The following HMCN2 variants were observed in gnomAD, a reference collection of about 807,000 sequenced individuals.
HMCN2 encodes the protein hemicentin 2.
HMCN2 carries 325 observed loss-of-function variants against 377.5 expected under a neutral mutation model. The ratio of observed to expected loss-of-function variants is 0.86; its 90% CI spans 0.79 to 0.94. The LOEUF is 0.94. Ranked by LOEUF, HMCN2 falls within the 40% of genes least tolerant of loss-of-function variation. The probability of loss-of-function intolerance (pLI) is 0.00; values close to 1 mark genes in which losing one functional copy is unlikely to be tolerated. For missense variants in HMCN2, 4,543 were observed against 4,725.3 expected (o/e 0.96, Z 1.13); for synonymous variants, 2,007 against 2,046.8 (o/e 0.98, Z 0.53).
rs1050340797 is a variant in HMCN2, at chr9:130,351,683, G to A, written c.4585+106G>A. On this transcript the variant is annotated intron_variant, in intron 30 of 97. Transcript: ENST00000683500. This position sits in a 1 kb window ranked among gnomAD's most constrained non-coding sequence, Gnocchi z 5.4. ...GAGTGAGGGCTGAAATGGGGGACCT[G>A]GTGAGTGATCCCTGAGTCCAAGAAA... 5.9e-6 allele frequency: 6 copies of A among 1,011,622 alleles called. No homozygotes were observed. The highest frequency in any genetic ancestry group is 6.4e-5 in the East Asian group (1 of 15,748). The allele number at this position is 1,011,622 out of a possible 1,614,324, so 62.7% of individuals were successfully genotyped here.
In HMCN2 at chr9:130,394,131, C is replaced by T. The variant is rs920509408; in HGVS notation, c.10501+123C>T. The T allele has an allele frequency of 1.9e-5, 18 of 957,040 alleles. No homozygotes were observed. Among genetic ancestry groups the T allele is most frequent in the Non-Finnish European group, 2.5e-5 (18 of 731,906 alleles). 59.3% of individuals were successfully genotyped at this position (957,040 alleles called of 1,614,324 possible). A position where few individuals can be genotyped will look rare whatever the true frequency, so the allele number is the denominator to read the frequency against. On this transcript the variant is annotated intron_variant, in intron 68 of 97. Transcript: ENST00000683500. The surrounding 1 kb of genome is among the most constrained non-coding windows in gnomAD (Gnocchi z 5.1). ...GAGACCTGGGACTGCCACCTGGGAG[C>T]AGAACTCAGGGAACTTGGTTCTGGC...
At chr9:130,305,130 T>C (rs1836783497) in intron 11 of HMCN2, 128 bp downstream of exon 11, 1 of 370,768 alleles carries the variant, frequency 2.7e-6, no homozygotes, top group Non-Finnish European at 5.5e-6. Context: ...TTTTCAGTGT[T>C]TTTTGAACTT....
chr9:130,309,444 G>A (rs572091964), intron 14 of HMCN2, among the ~76,000 whole-genome samples: 7 of 150,488 alleles, frequency 4.7e-5, no homozygotes, highest in South Asian at 4.2e-4. Context: ...GAACCTGGGA[G>A]GTAGAGGTTG....
At position 130,336,809 on chromosome 9, in the gene HMCN2, C is replaced by T. The variant is rs1490755898; in HGVS notation, c.3360-1085C>T. Among the ~76,000 whole-genome samples, 30 of 152,248 alleles carry T rather than the reference C, an allele frequency of 2.0e-4. No individual in the cohort carries two copies. The East Asian group carries it at 2.7e-3, about 14-fold the overall frequency. The stretch of plus-strand genomic sequence containing the variant: ...TGCCCTGTTTAATGACTGCATGGCC[C>T]GCGCTTTGCTCACCATGTCTCATGT... On this transcript the variant is annotated intron_variant, in intron 22 of 97. Coordinates refer to ENST00000683500, the MANE Select transcript of HMCN2 (RefSeq NM_001291815.2).
intron 78 of HMCN2, 53 bp from the exon 79 acceptor site, chr9:130,403,141 A>T: frequency 7.9e-7 from 1 of 1,258,502 alleles, no homozygotes; most frequent in Non-Finnish European, 1.0e-6. Flanking sequence ...CGCTGGTTGG[A>T]GGAGTTGTGT....
intron 86 of HMCN2, among the ~76,000 whole-genome samples, chr9:130,421,258 A>G (rs1176325209): frequency 1.3e-5 from 2 of 152,142 alleles, no homozygotes; most frequent in African/African-American, 2.4e-5. Context: ...GCTTTGTCAA[A>G]TGAGCAACGT....
chr9:130,428,310 C>T lies in HMCN2; in HGVS notation c.14066-48C>T, dbSNP rs941920870. ...CGGGCCAGGGTCAGGTGGCGAGGCA[C>T]GCCTGGGGATCATGTTCACACAGCC... is the stretch of plus-strand genomic sequence containing the variant. On this transcript the variant is annotated intron_variant, in intron 92 of 97. Transcript: ENST00000683500. The surrounding 1 kb of genome is among the most constrained non-coding windows in gnomAD (Gnocchi z 5.0). The T allele has an allele frequency of 3.2e-5, 47 of 1,484,066 alleles. No homozygotes were observed. The highest frequency in any genetic ancestry group is 1.7e-4 in the Middle Eastern group (1 of 5,804). 91.9% of individuals were successfully genotyped at this position (1,484,066 alleles called of 1,614,324 possible).
chr9:130,368,213 G>A, intron 43 of HMCN2, 63 bp from the exon 44 acceptor site: 1 of 951,888 alleles, frequency 1.1e-6, no homozygotes, highest in Non-Finnish European at 1.3e-6. Context: ...AACTTTCCAT[G>A]TGGAAAGACA....
At chr9:130,290,080 C>T (rs1835669588) in intron 4 of HMCN2, among the ~76,000 whole-genome samples, 1 of 152,188 alleles carries the variant, frequency 6.6e-6, no homozygotes, top group African/African-American at 2.4e-5. Flanking sequence ...AGAGATGAGC[C>T]CCAGTGCATC....
rs1371947997 is a variant in HMCN2, at chr9:130,368,453, G to C, written c.6787+16G>C. 6 of 985,922 alleles carry C rather than the reference G, an allele frequency of 6.1e-6. No individual in the cohort carries two copies. Among genetic ancestry groups the C allele is most frequent in the Non-Finnish European group, 6.0e-6 (5 of 830,050 alleles). 61.1% of individuals were successfully genotyped at this position (985,922 alleles called of 1,614,324 possible). ...GAGGTGCACGGTGGGTGAGCTGGGC[G>C]GGGGCTGGAAGGGTCTGGGATCATG... On this transcript the variant is annotated intron_variant, in intron 44 of 97. Coordinates refer to ENST00000683500, the MANE Select transcript of HMCN2 (RefSeq NM_001291815.2).
At chr9:130,313,609 C>CCA (rs1310403740) in intron 15 of HMCN2, among the ~76,000 whole-genome samples, 1 of 151,546 alleles carries the variant, frequency 6.6e-6, no homozygotes, top group Non-Finnish European at 1.5e-5. Flanking sequence ...CACCCCCCCC[C>CCA]ATAAACCTGT....
chr9:130,390,081 C>T (rs762225308), intron 62 of HMCN2, among the ~76,000 whole-genome samples: 1 of 152,196 alleles, frequency 6.6e-6, no homozygotes, highest in Non-Finnish European at 1.5e-5. Context: ...TCGCCTCTCG[C>T]GGGTCAGGTG....
chr9:130,306,622 C>G (rs2131352208), intron 12 of HMCN2, among the ~76,000 whole-genome samples, 189 bp from the exon 13 acceptor site: 1 of 151,292 alleles, frequency 6.6e-6, no homozygotes, highest in African/African-American at 2.4e-5. Context: ...GCTGTGTGAC[C>G]TTGGGCAAGT....
In HMCN2 at chr9:130,404,433, G is replaced by A. The variant is rs546903039; in HGVS notation, c.12149-436G>A. On this transcript the variant is annotated intron_variant, in intron 80 of 97. Coordinates refer to ENST00000683500, the MANE Select transcript of HMCN2 (RefSeq NM_001291815.2). ...CCTCTCCCCTGGGACCTGTAGCATC[G>A]CTGGTCACCAGACCAGCCAGACACC... 1.4e-4 allele frequency among the ~76,000 whole-genome samples: 22 copies of A among 152,192 alleles called. 1 individual carries two copies. Among genetic ancestry groups the A allele is most frequent in the Admixed American group, 3.9e-4 (6 of 15,282 alleles).
intron 4 of HMCN2, among the ~76,000 whole-genome samples, chr9:130,293,484 G>T (rs1382464574): frequency 1.3e-5 from 2 of 151,870 alleles, no homozygotes; most frequent in Non-Finnish European, 2.9e-5. Flanking sequence ...GAAAGAGAAG[G>T]TCCAGACTTG....
At chr9:130,425,575 T>TCA in intron 89 of HMCN2, 112 bp from the exon 90 acceptor site, 2 of 801,572 alleles carry the variant, frequency 2.5e-6, no homozygotes, top group Non-Finnish European at 4.1e-6. Context: ...GGTAAGGGTC[T>TCA]CAGGCTGCTT....
rs184409658 is a variant in HMCN2 at position 130,422,975 on chromosome 9, G to C, written c.13381+249G>C. On this transcript the variant is annotated intron_variant, in intron 87 of 97. Transcript: ENST00000683500. This position sits in a 1 kb window ranked among gnomAD's most constrained non-coding sequence, Gnocchi z 4.2. Reference sequence around the variant, plus strand: ...GGAACTGCATTTACAGTCAGACCAAGAGTGTGTGAAACGGTCAGTGTTCTG... The same window carrying C: ...GGAACTGCATTTACAGTCAGACCAACAGTGTGTGAAACGGTCAGTGTTCTG... 1.3e-5 allele frequency among the ~76,000 whole-genome samples: 2 copies of C among 152,194 alleles called. No homozygotes were observed. The highest frequency in any genetic ancestry group is 2.9e-5 in the Non-Finnish European group (2 of 68,030).
rs1836734146 is a variant in HMCN2 at position 130,304,634 on chromosome 9, A to C, written c.1544-96A>C. 2.6e-6 allele frequency: 1 copy of C among 381,596 alleles called. No individual in the cohort carries two copies. Among genetic ancestry groups the C allele is most frequent in the South Asian group, 1.9e-5 (1 of 53,262 alleles). 23.6% of individuals were successfully genotyped at this position (381,596 alleles called of 1,614,324 possible). On this transcript the variant is annotated intron_variant, in intron 10 of 97. Transcript: ENST00000683500. This position sits in a 1 kb window ranked among gnomAD's most constrained non-coding sequence, Gnocchi z 4.3. ...AATGATCTGGTTCGGGTGGGCCTGCACCTCAGGGTGGGGTTCTGGGCAGCA... is the reference window on the plus strand; with the variant it reads ...AATGATCTGGTTCGGGTGGGCCTGCCCCTCAGGGTGGGGTTCTGGGCAGCA...
At chr9:130,343,125 G>A (rs2131484969) in intron 25 of HMCN2, among the ~76,000 whole-genome samples, 1 of 152,314 alleles carries the variant, frequency 6.6e-6, no homozygotes, top group East Asian at 1.9e-4. Flanking sequence ...CAGGAAATGT[G>A]GTGGATGCCT....
Sources: gnomAD v4.1 joint callset for allele counts (sites outside exome capture counted in the v4.1 genomes callset) on GRCh38, gnomAD v4.1.1 for gene constraint, Gnocchi (gnomAD v3.1) non-coding constraint, MANE v1.5 for transcripts, NCBI Gene and HGNC (gene_info 2026-07-23, HGNC 2026-07-21) for gene names.